VSTM4: variants seen among roughly 807,000 people sequenced by gnomAD.
VSTM4 encodes V-set and transmembrane domain containing 4.
In VSTM4, 20 loss-of-function variants were observed where a neutral mutation model predicts 36.4. That is an observed-to-expected ratio of 0.55 (90% CI 0.39 to 0.80). The LOEUF is 0.80. VSTM4 is among the 30% of genes least tolerant of loss of function. The pLI is 0.00. For synonymous variants in VSTM4, 182 were observed against 173.9 expected (o/e 1.05, Z -0.37); for missense variants, 392 against 404.5 (o/e 0.97, Z 0.26).
At chr10:49,090,027 C>T (rs1030762855) in intron 2 of VSTM4, among the ~76,000 whole-genome samples, 4 of 152,158 alleles carry the variant, frequency 2.6e-5, no homozygotes, top group African/African-American at 7.2e-5. Context: ...GTGGAAGAGG[C>T]CCCAGCAGGG....
intron 4 of VSTM4, among the ~76,000 whole-genome samples, chr10:49,069,009 C>T (rs1006798529): frequency 3.9e-5 from 6 of 152,246 alleles, no homozygotes; most frequent in South Asian, 2.1e-4. Flanking sequence ...AGGCCCTGGG[C>T]CACTCCCTAC....
rs985580906 is a variant in VSTM4 at position 49,102,666 on chromosome 10, G to C, written c.457+4928C>G. 1.1e-5 allele frequency: 11 copies of C among 985,290 alleles called. No individual in the cohort carries two copies. In the South Asian group the frequency reaches 4.7e-4, roughly 42 times the overall value. 61.0% of individuals were successfully genotyped at this position (985,290 alleles called of 1,614,324 possible). On this transcript the variant is annotated intron_variant, in intron 2 of 7. Transcript: ENST00000332853. ...TGATTGAAATAGGTCAAGGGAAAGA[G>C]AGGTAAGGCATCCCAGAGAGGGTGA...
chr10:49,033,436 T>C lies in VSTM4; in HGVS notation c.837+13547A>G, dbSNP rs958198365. 2.0e-5 allele frequency among the ~76,000 whole-genome samples: 3 copies of C among 152,246 alleles called. 1 individual carries two copies. The South Asian group carries it at 6.2e-4, about 31-fold the overall frequency. ...TATAATAAATATGGATCTACACTTG[T>C]ATATACAAAAACAATTTAGAAGAAT... On this transcript the variant is annotated intron_variant, in intron 7 of 7. Coordinates refer to ENST00000332853, the MANE Select transcript of VSTM4 (RefSeq NM_001031746.5).
chr10:49,094,641 T>C (rs1844537076), intron 2 of VSTM4, among the ~76,000 whole-genome samples: 1 of 152,234 alleles, frequency 6.6e-6, no homozygotes, highest in Non-Finnish European at 1.5e-5. Flanking sequence ...AGCCAACACC[T>C]TTGTCCCAAA....
intron 2 of VSTM4, among the ~76,000 whole-genome samples, chr10:49,105,344 CAG>C (rs1423029880): frequency 4.1e-5 from 5 of 121,164 alleles, no homozygotes; most frequent in African/African-American, 1.3e-4. Context: ...GGGGGAGAGA[CAG>C]AGAGAGATAT....
Position 49,107,874 on chromosome 10 carries a change from G to A in VSTM4, c.177C>T (p.Ala59=), listed in dbSNP as rs565580324. ...SQKRRKDSLL[A]VRWFFAHSFD... is the part of the protein sequence containing the mutation. ...AGGAGTGTGCAAAGAACCAGCGCAC[G>A]GCCAGCAAGCTGTCCTTCCGCCTTT... The change falls in exon 2 of 8, where the codon GCC becomes GCT. Residue 59 remains alanine, a synonymous_variant. Coordinates refer to ENST00000332853, the MANE Select transcript of VSTM4 (RefSeq NM_001031746.5). The A allele has an allele frequency of 3.0e-5, 48 of 1,614,070 alleles. No individual in the cohort carries two copies. The East Asian group carries it at 4.0e-4, about 13-fold the overall frequency.
chr10:49,050,692 A>G (rs1277844426), intron 5 of VSTM4, among the ~76,000 whole-genome samples: 1 of 152,216 alleles, frequency 6.6e-6, no homozygotes, highest in East Asian at 1.9e-4. Context: ...ATATACAACC[A>G]CATGTTCAGC....
intron 2 of VSTM4, 109 bp downstream of exon 2, chr10:49,107,485 T>A (rs1844803323): frequency 7.3e-7 from 1 of 1,374,694 alleles, no homozygotes; most frequent in Admixed American, 2.6e-5. Context: ...CCACAAGATA[T>A]GTTCTAGTGC....
At chr10:49,093,160 A>G (rs568943777) in intron 2 of VSTM4, among the ~76,000 whole-genome samples, 4 of 152,134 alleles carry the variant, frequency 2.6e-5, no homozygotes, top group Non-Finnish European at 5.9e-5. Flanking sequence ...GTCTTAATTG[A>G]GCTACAGGCA....
chr10:49,046,835 T>G, intron 7 of VSTM4, 148 bp downstream of exon 7: 1 of 763,900 alleles, frequency 1.3e-6, no homozygotes, highest in Admixed American at 2.3e-5. Flanking sequence ...ACTCAAAAGC[T>G]GGCATCTGAG....
chr10:49,054,722 T>C (rs778569026), intron 5 of VSTM4, among the ~76,000 whole-genome samples: 6 of 152,286 alleles, frequency 3.9e-5, no homozygotes, highest in Non-Finnish European at 8.8e-5. Flanking sequence ...ACACTCTGCT[T>C]TCAAAACTAA....
intron 5 of VSTM4, among the ~76,000 whole-genome samples, chr10:49,062,698 C>T (rs1443454931): frequency 1.3e-5 from 2 of 152,160 alleles, no homozygotes; most frequent in African/African-American, 4.8e-5. Context: ...TTTAGATCCA[C>T]TCTGTTTATC....
chr10:49,048,732 A>T (rs1359041080), intron 5 of VSTM4, 148 bp from the exon 6 acceptor site: 9 of 636,024 alleles, frequency 1.4e-5, no homozygotes, highest in Non-Finnish European at 2.4e-5. Flanking sequence ...GTAGACTGGA[A>T]ACACTCTGTG....
chr10:49,071,413 G>T (rs1195626014), intron 4 of VSTM4, among the ~76,000 whole-genome samples: 1 of 152,224 alleles, frequency 6.6e-6, no homozygotes, highest in Non-Finnish European at 1.5e-5. Context: ...CTGGGATGAG[G>T]TGCCTGGCAC....
intron 4 of VSTM4, among the ~76,000 whole-genome samples, chr10:49,068,815 C>A (rs964720653): frequency 6.6e-6 from 1 of 152,098 alleles, no homozygotes; most frequent in African/African-American, 2.4e-5. Flanking sequence ...ATAAAGGGTG[C>A]GTAATGGAGC....
At chr10:49,071,429 G>A (rs1747173897) in intron 4 of VSTM4, among the ~76,000 whole-genome samples, 2 of 152,232 alleles carry the variant, frequency 1.3e-5, no homozygotes, top group African/African-American at 4.8e-5. Flanking sequence ...GGCACTGCGG[G>A]CACAACAAAG....
intron 7 of VSTM4, among the ~76,000 whole-genome samples, chr10:49,026,740 T>G (rs1421930761): frequency 6.6e-6 from 1 of 152,126 alleles, no homozygotes; most frequent in African/African-American, 2.4e-5. Context: ...GAAGATTTAT[T>G]CCCTCACAGC....
intron 7 of VSTM4, among the ~76,000 whole-genome samples, chr10:49,046,482 G>T (rs143032455): frequency 2.1e-4 from 32 of 152,326 alleles, no homozygotes; most frequent in African/African-American, 7.5e-4. Context: ...TAATAGCAAT[G>T]AACCGATGTT....
rs369298374 is a variant in VSTM4, at chr10:49,092,141, C to T, written c.458-6118G>A. Among the ~76,000 whole-genome samples the T allele has an allele frequency of 8.5e-5, 13 of 152,320 alleles. No individual in the cohort carries two copies. In the South Asian group the frequency reaches 1.7e-3, roughly 19 times the overall value. ...TTAGCAGGTGCTGCCTTCCTTAGTGCTCTAAAGCCATATTTTTAAACTTTA... is the reference window on the plus strand; with the variant it reads ...TTAGCAGGTGCTGCCTTCCTTAGTGTTCTAAAGCCATATTTTTAAACTTTA... On this transcript the variant is annotated intron_variant, in intron 2 of 7. Coordinates refer to ENST00000332853, the MANE Select transcript of VSTM4 (RefSeq NM_001031746.5).
Sources: allele counts gnomAD v4.1 joint callset (sites outside exome capture counted in the v4.1 genomes callset), GRCh38; gene constraint gnomAD v4.1.1; transcripts MANE v1.5; gene names NCBI Gene and HGNC (gene_info 2026-07-23, HGNC 2026-07-21).